Variants in SCARB2 observed in about 807,000 individuals in gnomAD.
The protein encoded by SCARB2 is lysosome membrane protein 2.
In SCARB2, 29 loss-of-function variants were observed where a neutral mutation model predicts 58.6. The observed-to-expected ratio is 0.49, with a 90% confidence interval of 0.37 to 0.67. SCARB2 has a LOEUF of 0.67. Among genes scored for constraint, SCARB2 ranks in the 30% least tolerant of loss-of-function variants. The pLI is 0.00. For synonymous variants in SCARB2, 195 were observed against 210.1 expected (o/e 0.93, Z 0.62); for missense variants, 488 against 578.5 (o/e 0.84, Z 1.60).
At chr4:76,218,330 C>A (rs1271103639), upstream of SCARB2, among the ~76,000 whole-genome samples, 7 of 152,226 alleles carry the variant, frequency 4.6e-5, no homozygotes, top group African/African-American at 1.7e-4. Context: ...ATTACTCTCT[C>A]CTCCCTCCTC....
At chr4:76,209,955 C>G (rs1733006300) in intron 1 of SCARB2, among the ~76,000 whole-genome samples, 1 of 152,204 alleles carries the variant, frequency 6.6e-6, no homozygotes, top group South Asian at 2.1e-4. Flanking sequence ...GACAGTCAAC[C>G]TGCCAGCACG....
upstream of SCARB2, chr4:76,213,864 T>G (rs557285209): frequency 0.016 from 3,034 of 188,188 alleles, 33 homozygotes; most frequent in Non-Finnish European, 0.024. Context: ...CGGGCCGGGC[T>G]CGCCGCAACC....
chr4:76,220,146 T>G (rs1300155641), intron 1 of SCARB2, among the ~76,000 whole-genome samples: 1 of 152,130 alleles, frequency 6.6e-6, no homozygotes, highest in African/African-American at 2.4e-5. Context: ...ACCTAGCAAC[T>G]CTCTTCCTAG....
intron 10 of SCARB2, chr4:76,165,973 A>G: frequency 1.8e-6 from 1 of 544,400 alleles, no homozygotes; most frequent in South Asian, 2.1e-5. Flanking sequence ...GGCTCCTTTT[A>G]CCTGTTTCTG....
At chr4:76,233,694 T>C (rs1398768975) in intron 1 of SCARB2, among the ~76,000 whole-genome samples, 2 of 152,044 alleles carry the variant, frequency 1.3e-5, no homozygotes, top group Non-Finnish European at 2.9e-5. Context: ...GAGACAGGGC[T>C]AGGAAAACAT....
At chr4:76,196,832 G>T (rs2109961735) in intron 1 of SCARB2, among the ~76,000 whole-genome samples, 1 of 152,300 alleles carries the variant, frequency 6.6e-6, no homozygotes, top group South Asian at 2.1e-4. Flanking sequence ...CTGTGTTACA[G>T]GATGAATAAT....
chr4:76,201,338 T>G (rs991419630), intron 1 of SCARB2, among the ~76,000 whole-genome samples: 6 of 152,224 alleles, frequency 3.9e-5, no homozygotes, highest in African/African-American at 1.4e-4. Context: ...AAGGAAAATG[T>G]GTTCATTAGT....
chr4:76,218,214 G>A (rs756424000), upstream of SCARB2, among the ~76,000 whole-genome samples: 2 of 152,192 alleles, frequency 1.3e-5, no homozygotes, highest in South Asian at 2.1e-4. Flanking sequence ...CTTATTGAAG[G>A]TGATCTATAA....
intron 2 of SCARB2, chr4:76,193,898 G>A (rs948468568): frequency 3.3e-5 from 5 of 152,230 alleles, no homozygotes; most frequent in South Asian, 2.1e-4. Context: ...GAGGCCAGGG[G>A]TGGAATGATA....
At chr4:76,197,895 CT>C (rs201714519) in intron 1 of SCARB2, among the ~76,000 whole-genome samples, 1 of 151,146 alleles carries the variant, frequency 6.6e-6, no homozygotes, top group Admixed American at 6.6e-5. Flanking sequence ...GTTCCCTTAT[CT>C]TTTTTTTTAA....
upstream of SCARB2, chr4:76,217,581 G>A (rs1560725825): frequency 5.7e-6 from 3 of 524,438 alleles, no homozygotes; most frequent in Non-Finnish European, 1.0e-5. Flanking sequence ...CTTCCCAGGA[G>A]TGGAAGCAGC....
At chr4:76,195,990 C>T in intron 1 of SCARB2, 126 bp from the exon 2 acceptor site, 1 of 646,234 alleles carries the variant, frequency 1.5e-6, no homozygotes, top group Non-Finnish European at 2.7e-6. Context: ...ATTTCACAGG[C>T]ATTCAACTGC....
intron 9 of SCARB2, chr4:76,166,578 C>G (rs775194208): frequency 7.7e-6 from 4 of 518,734 alleles, no homozygotes; most frequent in Non-Finnish European, 1.4e-5. Context: ...AGGGAAGGCT[C>G]CAGTCGACAG....
intron 2 of SCARB2, among the ~76,000 whole-genome samples, chr4:76,190,644 G>C (rs1394867652): frequency 2.0e-5 from 3 of 152,116 alleles, no homozygotes; most frequent in African/African-American, 7.2e-5. Context: ...AATTAGCCAG[G>C]CGTGGTGGCC....
intron 1 of SCARB2, among the ~76,000 whole-genome samples, chr4:76,209,224 C>G (rs757022458): frequency 6.6e-6 from 1 of 152,016 alleles, no homozygotes; most frequent in Non-Finnish European, 1.5e-5. Flanking sequence ...CAAGAAGGAG[C>G]CTTTTAAAAT....
chr4:76,173,881 A>G (rs1027596206), intron 7 of SCARB2: 4 of 448,258 alleles, frequency 8.9e-6, no homozygotes, highest in Non-Finnish European at 8.1e-6. Flanking sequence ...GTTATGAAAC[A>G]TTGTTCTTGA....
chr4:76,183,655 A>G (rs1732429982), intron 2 of SCARB2, among the ~76,000 whole-genome samples: 1 of 152,186 alleles, frequency 6.6e-6, no homozygotes, highest in African/African-American at 2.4e-5. Context: ...GCTACATTAC[A>G]TAGGCATGAT....
At chr4:76,201,194 G>A (rs1578736435) in intron 1 of SCARB2, among the ~76,000 whole-genome samples, 1 of 152,284 alleles carries the variant, frequency 6.6e-6, no homozygotes, top group South Asian at 2.1e-4. Context: ...TCACCCAGAA[G>A]TCTCTGCAGG....
At chr4:76,186,980 T>G (rs1203270657) in intron 2 of SCARB2, among the ~76,000 whole-genome samples, 1 of 152,152 alleles carries the variant, frequency 6.6e-6, no homozygotes, top group Non-Finnish European at 1.5e-5. Flanking sequence ...ACGGTGTTCC[T>G]AAATTTTTTG....
Sources: allele counts gnomAD v4.1 joint callset (sites outside exome capture counted in the v4.1 genomes callset), GRCh38; gene constraint gnomAD v4.1.1; transcripts MANE v1.5; gene names NCBI Gene and HGNC (gene_info 2026-07-23, HGNC 2026-07-21).